CCM2L: variants seen among roughly 807,000 people sequenced by gnomAD.
CCM2L encodes cerebral cavernous malformations 2 protein-like.
In CCM2L, 36 loss-of-function variants were observed where a neutral mutation model predicts 54.1. The observed-to-expected ratio is 0.67, with a 90% CI of 0.51 to 0.88. CCM2L has a LOEUF of 0.88. Ranked by LOEUF, CCM2L falls within the 40% of genes least tolerant of loss-of-function variation. CCM2L has a pLI of 0.00. For synonymous variants in CCM2L, 351 were observed against 359.3 expected (o/e 0.98, Z 0.26); for missense variants, 700 against 812.1 (o/e 0.86, Z 1.68).
At chr20:32,019,462 C>A in intron 5 of CCM2L, 53 bp downstream of exon 5, 1 of 1,292,948 alleles carries the variant, frequency 7.7e-7, no homozygotes, top group Non-Finnish European at 1.0e-6. Flanking sequence ...ACGCTGCTTC[C>A]CCGCCCCCAC....
Position 32,031,220 on chromosome 20 carries a change from T to C in CCM2L, c.1622T>C (p.Ile541Thr). The change falls in exon 10 of 10, where the codon ATC (isoleucine) becomes ACC (threonine). Residue 541 changes from isoleucine (I) to threonine (T), a missense_variant. Coordinates refer to ENST00000452892, the MANE Select transcript of CCM2L (RefSeq NM_001365692.1). ...CTGCTGGCTGACATCACGCACGACA[T>C]CGAGGCGCTGGCCCCCGATGACGAC... is the stretch of plus-strand genomic sequence containing the variant. ...HRLLADITHD[I>T]EALAPDDDDD... The C allele has an allele frequency of 7.7e-6, 10 of 1,300,444 alleles. No homozygotes were observed. The highest frequency in any genetic ancestry group is 1.0e-5 in the Non-Finnish European group (10 of 988,582). 80.6% of individuals were successfully genotyped at this position (1,300,444 alleles called of 1,614,324 possible). A position where few individuals can be genotyped will look rare whatever the true frequency, so the allele number is the denominator to read the frequency against.
In CCM2L at chr20:32,022,793, G is replaced by A. The variant is rs376576656; in HGVS notation, c.1067G>A (p.Arg356His). Residue 356 changes from arginine (R) to histidine (H), a missense_variant and splice_region_variant, in exon 6 of 10, where the codon CGC (arginine) becomes CAC (histidine). Transcript: ENST00000452892. ...STPERPWLCS[R>H]SESCHTDGTY... ...CCTGAACGGCCATGGCTCTGCAGCCGCAGTGAGTACCAGAACTCCTGGCCT... is the reference window on the plus strand; with the variant it reads ...CCTGAACGGCCATGGCTCTGCAGCCACAGTGAGTACCAGAACTCCTGGCCT... 72 of 1,612,542 alleles carry A rather than the reference G, an allele frequency of 4.5e-5. No homozygotes were observed. In the Middle Eastern group the frequency reaches 5.9e-4, roughly 13 times the overall value.
In CCM2L at chr20:32,022,898, C is replaced by T. The variant is rs925080239; in HGVS notation, c.1069+103C>T. On this transcript the variant is annotated intron_variant, in intron 6 of 9. Transcript: ENST00000452892. The stretch of plus-strand genomic sequence containing the variant: ...TGGGCTGATGAAGGTATTTAGGGCT[C>T]CTGATCTCTGCCATAATTACAGTGT... 4 of 1,284,514 alleles carry T rather than the reference C, an allele frequency of 3.1e-6. No individual in the cohort carries two copies. In the African/African-American group the frequency reaches 4.5e-5, roughly 14 times the overall value. The allele number at this position is 1,284,514 out of a possible 1,614,324, so 79.6% of individuals were successfully genotyped here. A position where few individuals can be genotyped will look rare whatever the true frequency, so the allele number is the denominator to read the frequency against.
In CCM2L at chr20:32,018,043, G is replaced by A; in HGVS notation, c.347G>A (p.Arg116His). Reference protein sequence around the residue: ...EQDSILSLSARCLLLTWRDNE... With the variant: ...EQDSILSLSAHCLLLTWRDNE... The stretch of plus-strand genomic sequence containing the variant: ...GACAGCATCCTGAGCCTGTCTGCCC[G>A]CTGCCTGCTGCTCACCTGGCGCGAC... Residue 116 changes from arginine (R) to histidine (H), a missense_variant, in exon 4 of 10, where the codon CGC becomes CAC. By Grantham distance (29) the Arg-to-His change is conservative. Transcript: ENST00000452892. 6.2e-7 allele frequency: 1 copy of A among 1,613,748 alleles called. No homozygotes were observed. Among genetic ancestry groups the A allele is most frequent in the Non-Finnish European group, 8.5e-7 (1 of 1,179,982 alleles).
Position 32,029,765 on chromosome 20 carries a change from G to A in CCM2L, c.1329G>A (p.Leu443=), listed in dbSNP as rs2064902581. ...QFAMLLREYR[L]GLPIQDYCTG... is the part of the protein sequence containing the mutation. Reference sequence around the variant, plus strand: ...CGATGCTGCTGCGGGAGTACCGGCTGGGGCTGCCCATCCAGGACTATTGCA... The same window carrying A: ...CGATGCTGCTGCGGGAGTACCGGCTAGGGCTGCCCATCCAGGACTATTGCA... The change falls in exon 9 of 10, where the codon CTG becomes CTA. Residue 443 remains leucine, a synonymous_variant. Coordinates refer to ENST00000452892, the MANE Select transcript of CCM2L (RefSeq NM_001365692.1). 1.2e-6 allele frequency: 2 copies of A among 1,613,462 alleles called. No individual in the cohort carries two copies. The highest frequency in any genetic ancestry group is 3.3e-5 in the Admixed American group (2 of 59,920).
intron 2 of CCM2L, among the ~76,000 whole-genome samples, chr20:32,017,062 C>T (rs1032610054): frequency 3.3e-5 from 5 of 152,100 alleles, no homozygotes; most frequent in Admixed American, 6.5e-5. Context: ...GCAGGAGAAT[C>T]GCTTGAACCC....
intron 7 of CCM2L, among the ~76,000 whole-genome samples, chr20:32,027,175 G>A (rs191321672): frequency 6.6e-6 from 1 of 152,390 alleles, no homozygotes; most frequent in Admixed American, 6.5e-5. Flanking sequence ...AACCAAGAAA[G>A]TCCTGGGTTA....
chr20:32,030,144 G>A (rs1472543839), intron 9 of CCM2L, among the ~76,000 whole-genome samples: 1 of 152,170 alleles, frequency 6.6e-6, no homozygotes, highest in Admixed American at 6.5e-5. Flanking sequence ...GCTCAGAAAG[G>A]CTAAGGAACA....
intron 9 of CCM2L, 72 bp from the exon 10 acceptor site, chr20:32,030,929 A>C: frequency 8.0e-7 from 1 of 1,253,822 alleles, no homozygotes; most frequent in Non-Finnish European, 1.0e-6. Flanking sequence ...CCAGATCTGC[A>C]GAGAGGACGC....
At chr20:32,021,310 G>A (rs1403448126) in intron 5 of CCM2L, among the ~76,000 whole-genome samples, 1 of 152,172 alleles carries the variant, frequency 6.6e-6, no homozygotes, top group Non-Finnish European at 1.5e-5. Flanking sequence ...CATCCCACTG[G>A]ACTGTGAGGG....
At chr20:32,026,952 G>A (rs1171951637) in intron 7 of CCM2L, among the ~76,000 whole-genome samples, 5 of 152,030 alleles carry the variant, frequency 3.3e-5, no homozygotes, top group African/African-American at 7.2e-5. Flanking sequence ...GGAGGGCAAC[G>A]CAGGAGGATC....
chr20:32,021,484 C>T (rs1164482903), intron 5 of CCM2L, among the ~76,000 whole-genome samples: 3 of 152,032 alleles, frequency 2.0e-5, no homozygotes, highest in Non-Finnish European at 4.4e-5. Context: ...GGCAAAACAC[C>T]GTCTCTACTA....
chr20:32,014,410 C>T (rs2122315878), intron 1 of CCM2L, among the ~76,000 whole-genome samples: 1 of 151,998 alleles, frequency 6.6e-6, no homozygotes, highest in East Asian at 1.9e-4. Context: ...GGATTACAGG[C>T]TCCTGGCACA....
At chr20:32,014,682 C>A (rs1028741449) in intron 1 of CCM2L, among the ~76,000 whole-genome samples, 1 of 152,166 alleles carries the variant, frequency 6.6e-6, no homozygotes, top group Non-Finnish European at 1.5e-5. Flanking sequence ...ATCCAGAATG[C>A]CCAAGGTGAA....
rs1488225563 is a variant in CCM2L, at chr20:32,019,087, G to C, written c.611G>C (p.Arg204Pro). Residue 204 changes from arginine to proline, a missense_variant, in exon 5 of 10, where the codon CGG becomes CCG. Coordinates refer to ENST00000452892, the MANE Select transcript of CCM2L (RefSeq NM_001365692.1). ...RRHTICSLDWRMGWGGGAAEA... is the reference protein window; with the variant it reads ...RRHTICSLDWPMGWGGGAAEA... ...CACACCATCTGCAGCCTGGACTGGC[G>C]GATGGGGTGGGGTGGGGGCGCCGCG... The C allele has an allele frequency of 8.3e-7, 1 of 1,201,034 alleles. No homozygotes were observed. Among genetic ancestry groups the C allele is most frequent in the Non-Finnish European group, 1.0e-6 (1 of 968,888 alleles). 74.4% of individuals were successfully genotyped at this position (1,201,034 alleles called of 1,614,324 possible).
rs1219163740 is a variant in CCM2L at position 32,014,891 on chromosome 20, C to T, written c.31-13C>T. On this transcript the variant is annotated splice_polypyrimidine_tract_variant and intron_variant, in intron 1 of 9. Coordinates refer to ENST00000452892, the MANE Select transcript of CCM2L (RefSeq NM_001365692.1). The stretch of plus-strand genomic sequence containing the variant: ...GCCACTGTTATCACTCTCATTCCTC[C>T]TCTCCTCCCCAGGGCTTTGTATCCC... The T allele has an allele frequency of 4.4e-6, 7 of 1,586,742 alleles. No individual in the cohort carries two copies. In the Admixed American group the frequency reaches 9.1e-5, roughly 21 times the overall value.
chr20:32,017,336 T>C (rs928942779), intron 2 of CCM2L, among the ~76,000 whole-genome samples: 1 of 152,210 alleles, frequency 6.6e-6, no homozygotes, highest in Non-Finnish European at 1.5e-5. Context: ...TGCAATTCCT[T>C]TGACAATGAT....
In CCM2L at chr20:32,022,710, C is replaced by A. The variant is rs373079277; in HGVS notation, c.984C>A (p.Ile328=). Residue 328 remains isoleucine (I), a synonymous_variant, in exon 6 of 10, where the codon ATC becomes ATA. Coordinates refer to ENST00000452892, the MANE Select transcript of CCM2L (RefSeq NM_001365692.1). Reference sequence around the variant, plus strand: ...TCATCTGTCAGGTCTTCCAGATCATCTACGGGGACCAGAGTATTGAGTGTG... The same window carrying A: ...TCATCTGTCAGGTCTTCCAGATCATATACGGGGACCAGAGTATTGAGTGTG... ...CALICQVFQI[I]YGDQSIECVD... is the part of the protein sequence containing the mutation. 5.6e-6 allele frequency: 9 copies of A among 1,614,076 alleles called. No homozygotes were observed. The African/African-American group carries it at 1.2e-4, about 22-fold the overall frequency.
chr20:32,014,743 T>C (rs561298722), intron 1 of CCM2L, among the ~76,000 whole-genome samples, 161 bp from the exon 2 acceptor site: 16 of 152,226 alleles, frequency 1.1e-4, no homozygotes, highest in Non-Finnish European at 1.9e-4. Context: ...AGTTCCTCTC[T>C]AGGGTTTACT....
Sources: allele counts gnomAD v4.1 joint callset (sites outside exome capture counted in the v4.1 genomes callset), GRCh38; gene constraint gnomAD v4.1.1; transcripts MANE v1.5; gene names NCBI Gene and HGNC (gene_info 2026-07-23, HGNC 2026-07-21).